C11orf87: variants seen among roughly 807,000 people sequenced by gnomAD.
C11orf87 encodes the protein uncharacterized protein C11orf87.
Under a neutral mutation model 9.2 loss-of-function variants are expected in C11orf87, and 3 were observed. The observed-to-expected ratio is 0.33, with a 90% CI of 0.15 to 0.84. The LOEUF is 0.84. Ranked by LOEUF, C11orf87 falls within the 40% of genes least tolerant of loss-of-function variation. The pLI, the probability that C11orf87 is intolerant of heterozygous loss-of-function variation, is 0.55. For synonymous variants in C11orf87, 124 were observed against 124.6 expected, an observed-to-expected ratio of 1.00 and a Z score of 0.03; for missense variants, 256 against 270.7, an observed-to-expected ratio of 0.95 and a Z score of 0.38.
In C11orf87 at chr11:109,423,808, T is replaced by C; in HGVS notation, c.175T>C (p.Ser59Pro). 1 of 1,614,102 alleles carries C rather than the reference T, an allele frequency of 6.2e-7. No individual in the cohort carries two copies. The highest frequency in any genetic ancestry group is 8.5e-7 in the Non-Finnish European group (1 of 1,179,968). Reference protein sequence around the residue: ...QVGQQLFQSFSSTLVLIVLVT... With the variant: ...QVGQQLFQSFPSTLVLIVLVT... ...GGGACAGCAGCTCTTCCAGTCCTTC[T>C]CCTCCACGCTGGTGCTGATTGTCCT... The change falls in exon 2 of 2, where the codon TCC becomes CCC. Residue 59 changes from serine (S) to proline (P), a missense_variant. Physicochemically the swap from Ser to Pro is moderately conservative, Grantham distance 74. Coordinates refer to ENST00000327419, the MANE Select transcript of C11orf87 (RefSeq NM_207645.4). This position sits in a 1 kb window ranked among gnomAD's most constrained non-coding sequence, Gnocchi z 5.3.
At position 109,426,552 on chromosome 11, in the gene C11orf87, A is replaced by G. The variant is rs1591275855; in HGVS notation, c.*2325A>G. On this transcript the variant is annotated 3_prime_UTR_variant, in exon 2 of 2. Transcript: ENST00000327419. ...ACCAGGTATAATCTTTGGGTACAATATATTAAACAATGAACCAGTTTTTCT... is the reference window on the plus strand; with the variant it reads ...ACCAGGTATAATCTTTGGGTACAATGTATTAAACAATGAACCAGTTTTTCT... 6.6e-6 allele frequency: 1 copy of G among 152,174 alleles called. No individual in the cohort carries two copies. Among genetic ancestry groups the G allele is most frequent in the South Asian group, 2.1e-4 (1 of 4,832 alleles). 9.4% of individuals were successfully genotyped at this position (152,174 alleles called of 1,614,324 possible). A position where few individuals can be genotyped will look rare whatever the true frequency, so the allele number is the denominator to read the frequency against.
rs199795951 is a variant in C11orf87 at position 109,423,870 on chromosome 11, C to T, written c.237C>T (p.Leu79=). The change falls in exon 2 of 2, where the codon CTC becomes CTT. Residue 79 remains leucine, a synonymous_variant. Transcript: ENST00000327419. This position sits in a 1 kb window ranked among gnomAD's most constrained non-coding sequence, Gnocchi z 5.3. ...TCTTCTGCCTCATCGTGCTGTCCCT[C>T]TCCACTTTCCACATCCACAAGCGTA... is the stretch of plus-strand genomic sequence containing the variant. ...TLIFCLIVLS[L]STFHIHKRRM... 60 of 1,614,042 alleles carry T rather than the reference C, an allele frequency of 3.7e-5. No individual in the cohort carries two copies. Among genetic ancestry groups the T allele is most frequent in the Non-Finnish European group, 4.8e-5 (57 of 1,179,984 alleles).
In C11orf87 at chr11:109,423,142, C is replaced by T. The variant is rs1254265815; in HGVS notation, c.-259-233C>T. On this transcript the variant is annotated intron_variant, in intron 1 of 1. Coordinates refer to ENST00000327419, the MANE Select transcript of C11orf87 (RefSeq NM_207645.4). The surrounding 1 kb of genome is among the most constrained non-coding windows in gnomAD (Gnocchi z 5.3). ...GCTGCCTTATCTGCTGAGTAATCTG[C>T]ACCTCCGCGGTGCCGGCGCAGACCC... Among the ~76,000 whole-genome samples, 1 of 152,208 alleles carries T rather than the reference C, an allele frequency of 6.6e-6. No individual in the cohort carries two copies. The highest frequency in any genetic ancestry group is 2.4e-5 in the African/African-American group (1 of 41,466).
At position 109,427,054 on chromosome 11, in the gene C11orf87, T is replaced by C. The variant is rs1178329843; in HGVS notation, c.*2827T>C. Reference sequence around the variant, plus strand: ...AATAATCCCCTTCCAAGGAGCAGCCTGTACACTCTGTGGGGGTAATTATGA... The same window carrying C: ...AATAATCCCCTTCCAAGGAGCAGCCCGTACACTCTGTGGGGGTAATTATGA... On this transcript the variant is annotated 3_prime_UTR_variant, in exon 2 of 2. Transcript: ENST00000327419. 1 of 152,236 alleles carries C rather than the reference T, an allele frequency of 6.6e-6. No homozygotes were observed. Among genetic ancestry groups the C allele is most frequent in the Non-Finnish European group, 1.5e-5 (1 of 68,040 alleles). The allele number at this position is 152,236 out of a possible 1,614,324, so 9.4% of individuals were successfully genotyped here.
rs939200818 is a variant in C11orf87, at chr11:109,426,198, A to C, written c.*1971A>C. 6 of 152,170 alleles carry C rather than the reference A, an allele frequency of 3.9e-5. No individual in the cohort carries two copies. The highest frequency in any genetic ancestry group is 1.4e-4 in the African/African-American group (6 of 41,424). The allele number at this position is 152,170 out of a possible 1,614,324, so 9.4% of individuals were successfully genotyped here. A position where few individuals can be genotyped will look rare whatever the true frequency, so the allele number is the denominator to read the frequency against. On this transcript the variant is annotated 3_prime_UTR_variant, in exon 2 of 2. Transcript: ENST00000327419. ...TTTGACAGCTATTCAAATTTTTGGA[A>C]AATGTATGAATGAAAGTGATCTGCA...
chr11:109,422,951 C>A (rs1254164405), intron 1 of C11orf87, among the ~76,000 whole-genome samples: 1 of 151,482 alleles, frequency 6.6e-6, no homozygotes. Flanking sequence ...GTACCCGGAG[C>A]CCGCGCGGCG....
At position 109,424,247 on chromosome 11, in the gene C11orf87, C is replaced by T; in HGVS notation, c.*20C>T. The T allele has an allele frequency of 6.3e-7, 1 of 1,581,108 alleles. No homozygotes were observed. The highest frequency in any genetic ancestry group is 8.6e-7 in the Non-Finnish European group (1 of 1,158,348). On this transcript the variant is annotated 3_prime_UTR_variant, in exon 2 of 2. Transcript: ENST00000327419. This position sits in a 1 kb window ranked among gnomAD's most constrained non-coding sequence, Gnocchi z 4.7. ...TCCTGATCGTCTAGCCCCTCTCGTT[C>T]CCCGTCCTCGTTTCCAGCATCTTTG...
chr11:109,423,834 G>A lies in C11orf87; in HGVS notation c.201G>A (p.Leu67=), dbSNP rs772112969. 1 of 1,614,118 alleles carries A rather than the reference G, an allele frequency of 6.2e-7. No individual in the cohort carries two copies. Among genetic ancestry groups the A allele is most frequent in the Non-Finnish European group, 8.5e-7 (1 of 1,179,972 alleles). Residue 67 remains leucine (L), a synonymous_variant, in exon 2 of 2, where the codon CTG becomes CTA. Coordinates refer to ENST00000327419, the MANE Select transcript of C11orf87 (RefSeq NM_207645.4). This position sits in a 1 kb window ranked among gnomAD's most constrained non-coding sequence, Gnocchi z 5.3. ...CCTCCACGCTGGTGCTGATTGTCCT[G>A]GTTACCCTCATCTTCTGCCTCATCG... ...SFSSTLVLIV[L]VTLIFCLIVL...
chr11:109,424,128 G>A lies in C11orf87; in HGVS notation c.495G>A (p.Pro165=), dbSNP rs1343532568. 4 of 1,613,614 alleles carry A rather than the reference G, an allele frequency of 2.5e-6. No individual in the cohort carries two copies. In the Admixed American group the frequency reaches 5.0e-5, roughly 20 times the overall value. The part of the protein sequence containing the change: ...GLPCQGPCAP[P]PPPPASSPQG... ...CGTGCCAGGGTCCCTGTGCTCCTCCGCCTCCACCGCCAGCCTCCAGTCCCC... is the reference window on the plus strand; with the variant it reads ...CGTGCCAGGGTCCCTGTGCTCCTCCACCTCCACCGCCAGCCTCCAGTCCCC... Residue 165 remains proline, a synonymous_variant, in exon 2 of 2, where the codon CCG becomes CCA. Transcript: ENST00000327419. This position sits in a 1 kb window ranked among gnomAD's most constrained non-coding sequence, Gnocchi z 4.7.
In C11orf87 at chr11:109,423,649, C is replaced by T. The variant is rs1280506859; in HGVS notation, c.16C>T (p.Pro6Ser). 6.2e-7 allele frequency: 1 copy of T among 1,601,632 alleles called. No homozygotes were observed. The highest frequency in any genetic ancestry group is 2.2e-5 in the East Asian group (1 of 44,768). The change falls in exon 2 of 2, where the codon CCG becomes TCG. Residue 6 changes from proline to serine, a missense_variant. Pro to Ser is a moderately conservative substitution (Grantham distance 74, BLOSUM62 -1). Transcript: ENST00000327419. The surrounding 1 kb of genome is among the most constrained non-coding windows in gnomAD (Gnocchi z 5.3). The stretch of plus-strand genomic sequence containing the variant: ...CCCCGCGCCAATGAGTGCCAGGGCG[C>T]CGAAGGAGCTGAGGCTGGCGTTGCC... MSARA[P>S]KELRLALPPC... is the part of the protein sequence containing the mutation.
Position 109,423,427 on chromosome 11 carries a change from T to G in C11orf87, c.-207T>G. 1 of 586,190 alleles carries G rather than the reference T, an allele frequency of 1.7e-6. No homozygotes were observed. The highest frequency in any genetic ancestry group is 3.0e-6 in the Non-Finnish European group (1 of 333,094). The allele number at this position is 586,190 out of a possible 1,614,324, so 36.3% of individuals were successfully genotyped here. On this transcript the variant is annotated 5_prime_UTR_variant, in exon 2 of 2. Coordinates refer to ENST00000327419, the MANE Select transcript of C11orf87 (RefSeq NM_207645.4). The surrounding 1 kb of genome is among the most constrained non-coding windows in gnomAD (Gnocchi z 5.3). ...GCGTGGAGACGTGTTCGAGGTGGTA[T>G]CGGCGAGGATCTCTCGGGCGCCGCT... is the stretch of plus-strand genomic sequence containing the variant.
rs951657826 is a variant in C11orf87, at chr11:109,426,811, A to G, written c.*2584A>G. ...AATTTGAATAGAATCAGGGTCCCAG[A>G]AGGGAGCTTCATCATTTCCAATGAG... is the stretch of plus-strand genomic sequence containing the variant. On this transcript the variant is annotated 3_prime_UTR_variant, in exon 2 of 2. Transcript: ENST00000327419. 6.6e-6 allele frequency: 1 copy of G among 152,202 alleles called. No individual in the cohort carries two copies. The highest frequency in any genetic ancestry group is 1.5e-5 in the Non-Finnish European group (1 of 68,016). 9.4% of individuals were successfully genotyped at this position (152,202 alleles called of 1,614,324 possible).
In C11orf87 at chr11:109,427,956, A is replaced by G. The variant is rs1860595008; in HGVS notation, c.*3729A>G. 6.6e-6 allele frequency: 1 copy of G among 152,124 alleles called. No homozygotes were observed. Among genetic ancestry groups the G allele is most frequent in the Non-Finnish European group, 1.5e-5 (1 of 67,990 alleles). 9.4% of individuals were successfully genotyped at this position (152,124 alleles called of 1,614,324 possible). ...CAAAGAGGATACTGAAAAGTCCGGT[A>G]TGTGCATGCACTTGTTTCTCTGGGG... On this transcript the variant is annotated 3_prime_UTR_variant, in exon 2 of 2. Transcript: ENST00000327419.
In C11orf87 at chr11:109,424,462, A is replaced by G; in HGVS notation, c.*235A>G. On this transcript the variant is annotated 3_prime_UTR_variant, in exon 2 of 2. Coordinates refer to ENST00000327419, the MANE Select transcript of C11orf87 (RefSeq NM_207645.4). The surrounding 1 kb of genome is among the most constrained non-coding windows in gnomAD (Gnocchi z 4.7). ...TAACGCTGATAATAATACTTTATTA[A>G]TATTTATAGTAATTATTATAATACT... The G allele has an allele frequency of 3.1e-6, 1 of 322,276 alleles. No homozygotes were observed. Among genetic ancestry groups the G allele is most frequent in the Non-Finnish European group, 5.8e-6 (1 of 171,316 alleles). The allele number at this position is 322,276 out of a possible 1,614,324, so 20.0% of individuals were successfully genotyped here.
Position 109,424,280 on chromosome 11 carries a change from T to C in C11orf87, c.*53T>C. The stretch of plus-strand genomic sequence containing the variant: ...TCGTTTCCAGCATCTTTGCCACCCT[T>C]GCTTTTTTCCTTCTTCCTTCCTTTT... On this transcript the variant is annotated 3_prime_UTR_variant, in exon 2 of 2. Transcript: ENST00000327419. This position sits in a 1 kb window ranked among gnomAD's most constrained non-coding sequence, Gnocchi z 4.7. The C allele has an allele frequency of 6.9e-7, 1 of 1,454,154 alleles. No individual in the cohort carries two copies. Among genetic ancestry groups the C allele is most frequent in the African/African-American group, 1.4e-5 (1 of 70,432 alleles). The allele number at this position is 1,454,154 out of a possible 1,614,324, so 90.1% of individuals were successfully genotyped here.
Position 109,424,085 on chromosome 11 carries a change from C to G in C11orf87, c.452C>G (p.Ser151Cys). The G allele has an allele frequency of 6.2e-7, 1 of 1,613,942 alleles. No homozygotes were observed. Among genetic ancestry groups the G allele is most frequent in the East Asian group, 2.2e-5 (1 of 44,864 alleles). The change falls in exon 2 of 2, where the codon TCT becomes TGT. Residue 151 changes from serine to cysteine, a missense_variant. Coordinates refer to ENST00000327419, the MANE Select transcript of C11orf87 (RefSeq NM_207645.4). The surrounding 1 kb of genome is among the most constrained non-coding windows in gnomAD (Gnocchi z 4.7). ...CCTTCCAACGCCTCGTCGTTGTCCT[C>G]TTCGTCCCCTGGCCTCCCGTGCCAG... is the stretch of plus-strand genomic sequence containing the variant. Reference protein sequence around the residue: ...CAPSNASSLSSSSPGLPCQGP... With the variant: ...CAPSNASSLSCSSPGLPCQGP...
In C11orf87 at chr11:109,423,528, G is replaced by A; in HGVS notation, c.-106G>A. On this transcript the variant is annotated 5_prime_UTR_variant, in exon 2 of 2. Coordinates refer to ENST00000327419, the MANE Select transcript of C11orf87 (RefSeq NM_207645.4). The surrounding 1 kb of genome is among the most constrained non-coding windows in gnomAD (Gnocchi z 5.3). Reference sequence around the variant, plus strand: ...CGCTCGCACACCCCCTCCCGCTACAGGGAGCAGTTTTGGGTGGCGTGGGCT... The same window carrying A: ...CGCTCGCACACCCCCTCCCGCTACAAGGAGCAGTTTTGGGTGGCGTGGGCT... 8.5e-7 allele frequency: 1 copy of A among 1,176,066 alleles called. No individual in the cohort carries two copies. Among genetic ancestry groups the A allele is most frequent in the East Asian group, 2.6e-5 (1 of 38,884 alleles). The allele number at this position is 1,176,066 out of a possible 1,614,324, so 72.9% of individuals were successfully genotyped here.
Position 109,426,754 on chromosome 11 carries a change from A to G in C11orf87, c.*2527A>G, listed in dbSNP as rs899823581. On this transcript the variant is annotated 3_prime_UTR_variant, in exon 2 of 2. Transcript: ENST00000327419. ...ACCCTCATCCAGTGGTAGCTCTTTA[A>G]TACCTTATTACAGAATGACTTTTGG... 1 of 152,214 alleles carries G rather than the reference A, an allele frequency of 6.6e-6. No homozygotes were observed. The highest frequency in any genetic ancestry group is 1.5e-5 in the Non-Finnish European group (1 of 68,036). 9.4% of individuals were successfully genotyped at this position (152,214 alleles called of 1,614,324 possible).
In C11orf87 at chr11:109,423,507, C is replaced by T. The variant is rs534554492; in HGVS notation, c.-127C>T. 88 of 994,008 alleles carry T rather than the reference C, an allele frequency of 8.9e-5. 1 individual carries two copies. In the Middle Eastern group the frequency reaches 1.3e-3, roughly 15 times the overall value. The allele number at this position is 994,008 out of a possible 1,614,324, so 61.6% of individuals were successfully genotyped here. A position where few individuals can be genotyped will look rare whatever the true frequency, so the allele number is the denominator to read the frequency against. ...TTGCTCCCTTAGTCCTTGGCTCGCT[C>T]GCACACCCCCTCCCGCTACAGGGAG... On this transcript the variant is annotated 5_prime_UTR_variant, in exon 2 of 2. Coordinates refer to ENST00000327419, the MANE Select transcript of C11orf87 (RefSeq NM_207645.4). This position sits in a 1 kb window ranked among gnomAD's most constrained non-coding sequence, Gnocchi z 5.3.
Sources: allele counts gnomAD v4.1 joint callset (sites outside exome capture counted in the v4.1 genomes callset), GRCh38; gene constraint gnomAD v4.1.1; non-coding constraint Gnocchi (gnomAD v3.1); transcripts MANE v1.5; gene names NCBI Gene and HGNC (gene_info 2026-07-23, HGNC 2026-07-21).